PTAR1: variants seen among roughly 807,000 people sequenced by gnomAD.
PTAR1 encodes protein prenyltransferase alpha subunit repeat-containing protein 1.
In PTAR1, 17 loss-of-function variants were observed where a neutral mutation model predicts 45.5. The ratio of observed to expected loss-of-function variants is 0.37; its 90% confidence interval spans 0.26 to 0.56. The LOEUF (loss-of-function observed/expected upper bound fraction) is 0.56, where lower values mean the gene tolerates loss of function less well. Among genes scored for constraint, PTAR1 ranks in the 20% least tolerant of loss-of-function variants. The pLI, the probability that PTAR1 is intolerant of heterozygous loss-of-function variation, is 0.77. For missense variants in PTAR1, 391 were observed against 476.3 expected (o/e 0.82, Z 1.67); for synonymous variants, 169 against 171.3 (o/e 0.99, Z 0.11).
At chr9:69,725,411 G>A (rs1322623650) in intron 5 of PTAR1, among the ~76,000 whole-genome samples, 1 of 151,940 alleles carries the variant, frequency 6.6e-6, no homozygotes, top group Non-Finnish European at 1.5e-5. Context: ...CCAAAATGGT[G>A]AGACCCTGTC....
At chr9:69,726,886 T>C (rs1197200663) in intron 5 of PTAR1, among the ~76,000 whole-genome samples, 1 of 151,956 alleles carries the variant, frequency 6.6e-6, no homozygotes, top group Non-Finnish European at 1.5e-5. Context: ...TTATAAATAT[T>C]ATTTTCGATA....
chr9:69,712,844 A>G lies in PTAR1; in HGVS notation c.*5498T>C, dbSNP rs1228379288. On this transcript the variant is annotated 3_prime_UTR_variant, in exon 8 of 8. Coordinates refer to ENST00000340434, the MANE Select transcript of PTAR1 (RefSeq NM_001099666.2). ...AAATCATTTCCACAGAAGACACGAG[A>G]ATGTTCATACTAGAGCCATAGGGAC... is the stretch of plus-strand genomic sequence containing the variant. 6.6e-6 allele frequency: 1 copy of G among 152,118 alleles called. No homozygotes were observed. The highest frequency in any genetic ancestry group is 2.4e-5 in the African/African-American group (1 of 41,444). 9.4% of individuals were successfully genotyped at this position (152,118 alleles called of 1,614,324 possible). A position where few individuals can be genotyped will look rare whatever the true frequency, so the allele number is the denominator to read the frequency against.
intron 5 of PTAR1, among the ~76,000 whole-genome samples, chr9:69,728,551 T>G (rs1271754078): frequency 6.6e-6 from 1 of 152,210 alleles, no homozygotes; most frequent in Admixed American, 6.5e-5. Context: ...CCTGTGGTTT[T>G]GCTTTGCATT....
At position 69,713,481 on chromosome 9, in the gene PTAR1, A is replaced by C. The variant is rs1044088155; in HGVS notation, c.*4861T>G. The C allele has an allele frequency of 6.6e-5, 10 of 152,152 alleles. No homozygotes were observed. Among genetic ancestry groups the C allele is most frequent in the Non-Finnish European group, 1.0e-4 (7 of 68,004 alleles). The allele number at this position is 152,152 out of a possible 1,614,324, so 9.4% of individuals were successfully genotyped here. A position where few individuals can be genotyped will look rare whatever the true frequency, so the allele number is the denominator to read the frequency against. On this transcript the variant is annotated 3_prime_UTR_variant, in exon 8 of 8. Coordinates refer to ENST00000340434, the MANE Select transcript of PTAR1 (RefSeq NM_001099666.2). ...ATCCCTCCCTTCTCCATATACAAACAGATAAAATGATACATTTAAAATTTC... is the reference window on the plus strand; with the variant it reads ...ATCCCTCCCTTCTCCATATACAAACCGATAAAATGATACATTTAAAATTTC...
intron 5 of PTAR1, among the ~76,000 whole-genome samples, chr9:69,726,370 A>G (rs1825279329): frequency 6.6e-6 from 1 of 152,116 alleles, no homozygotes; most frequent in African/African-American, 2.4e-5. Flanking sequence ...TTTAACTCGT[A>G]AAATATTTCA....
At chr9:69,755,709 A>G (rs1473999063) in intron 1 of PTAR1, among the ~76,000 whole-genome samples, 1 of 152,184 alleles carries the variant, frequency 6.6e-6, no homozygotes, top group Non-Finnish European at 1.5e-5. Context: ...AATATATCTA[A>G]AGGAACTGAC....
intron 5 of PTAR1, among the ~76,000 whole-genome samples, chr9:69,730,054 T>C (rs1426844454): frequency 6.6e-6 from 1 of 152,136 alleles, no homozygotes; most frequent in Non-Finnish European, 1.5e-5. Flanking sequence ...GATTACCTCC[T>C]GTAACAGACA....
chr9:69,759,558 C>T (rs1482263545), intron 1 of PTAR1, among the ~76,000 whole-genome samples: 1 of 152,150 alleles, frequency 6.6e-6, no homozygotes, highest in South Asian at 2.1e-4. Flanking sequence ...CTACGGGGGA[C>T]GTCTCTGGAG....
At chr9:69,755,736 T>G (rs1826747258) in intron 1 of PTAR1, among the ~76,000 whole-genome samples, 1 of 152,208 alleles carries the variant, frequency 6.6e-6, no homozygotes, top group South Asian at 2.1e-4. Flanking sequence ...ATATTGATAA[T>G]TAAAATTCTC....
intron 1 of PTAR1, among the ~76,000 whole-genome samples, chr9:69,753,761 C>G (rs781056476): frequency 5.3e-5 from 8 of 152,244 alleles, no homozygotes; most frequent in Middle Eastern, 3.4e-3. Flanking sequence ...GGTGTAAAGA[C>G]AAAAGTACTT....
At chr9:69,730,723 A>G (rs1479882780) in intron 5 of PTAR1, among the ~76,000 whole-genome samples, 1 of 151,260 alleles carries the variant, frequency 6.6e-6, no homozygotes, top group Non-Finnish European at 1.5e-5. Flanking sequence ...ATTTGTTGAG[A>G]GCAAACACTT....
intron 3 of PTAR1, among the ~76,000 whole-genome samples, chr9:69,736,392 A>G (rs1438846404): frequency 6.6e-6 from 1 of 152,216 alleles, no homozygotes; most frequent in African/African-American, 2.4e-5. Flanking sequence ...CTTTGTTTCT[A>G]TTAAAAGTAA....
At chr9:69,731,005 T>C (rs939283308) in intron 5 of PTAR1, among the ~76,000 whole-genome samples, 1 of 152,092 alleles carries the variant, frequency 6.6e-6, no homozygotes, top group African/African-American at 2.4e-5. Flanking sequence ...TTTCCACATA[T>C]AGGTAGTGGG....
At chr9:69,750,676 A>G (rs1826488489) in intron 2 of PTAR1, 105 bp downstream of exon 2, 2 of 812,640 alleles carry the variant, frequency 2.5e-6, no homozygotes, top group East Asian at 5.5e-5. Flanking sequence ...GAACAGAAGA[A>G]GCAGAACTAG....
At chr9:69,739,600 C>G (rs1161158372) in intron 3 of PTAR1, among the ~76,000 whole-genome samples, 2 of 152,094 alleles carry the variant, frequency 1.3e-5, no homozygotes, top group Non-Finnish European at 2.9e-5. Context: ...TAAAAAATCA[C>G]TCAATGCCTT....
intron 2 of PTAR1, among the ~76,000 whole-genome samples, chr9:69,750,034 A>G (rs1419115573): frequency 6.6e-6 from 1 of 152,102 alleles, no homozygotes; most frequent in Non-Finnish European, 1.5e-5. Context: ...AGTAAAGGAC[A>G]TGGTCTTAAA....
chr9:69,753,344 A>C (rs1410777246), intron 1 of PTAR1, among the ~76,000 whole-genome samples: 3 of 152,168 alleles, frequency 2.0e-5, no homozygotes, highest in Non-Finnish European at 2.9e-5. Context: ...CAGGTGCCCA[A>C]TAGCTGCTTC....
At chr9:69,745,317 G>T (rs540239769) in intron 2 of PTAR1, among the ~76,000 whole-genome samples, 17 of 152,308 alleles carry the variant, frequency 1.1e-4, no homozygotes, top group African/African-American at 3.6e-4. Context: ...AAAGCCTCTG[G>T]AATTTCTTTT....
intron 5 of PTAR1, among the ~76,000 whole-genome samples, chr9:69,724,127 G>T (rs1032543176): frequency 2.0e-5 from 3 of 152,112 alleles, no homozygotes; most frequent in Non-Finnish European, 4.4e-5. Context: ...TGTCATGAGG[G>T]CAGAGACCGT....
Sources: allele counts gnomAD v4.1 joint callset (sites outside exome capture counted in the v4.1 genomes callset), GRCh38; gene constraint gnomAD v4.1.1; transcripts MANE v1.5; gene names NCBI Gene and HGNC (gene_info 2026-07-23, HGNC 2026-07-21).